Variants in NR2F1-AS1 observed in about 807,000 individuals in gnomAD.
The protein encoded by NR2F1-AS1 is NR2F1 antisense RNA 1.
chr5:93,494,360 G>T (rs1442661452), intron 4 of NR2F1-AS1, among the ~76,000 whole-genome samples: 1 of 152,202 alleles, frequency 6.6e-6, no homozygotes, highest in Non-Finnish European at 1.5e-5. Flanking sequence ...GCCAGCCATA[G>T]TGGCTCACGC....
intron 4 of NR2F1-AS1, chr5:93,496,197 A>C (rs1750956964): frequency 6.6e-6 from 1 of 152,114 alleles, no homozygotes; most frequent in Non-Finnish European, 1.5e-5. Context: ...TAAACAAAAA[A>C]CCCACATTTC....
chr5:93,545,252 A>C (rs563391976), intron 4 of NR2F1-AS1, among the ~76,000 whole-genome samples: 1 of 152,314 alleles, frequency 6.6e-6, no homozygotes, highest in South Asian at 2.1e-4. Context: ...AAAATTCATC[A>C]ATGAGGGTTT....
chr5:93,411,220 C>G (rs1012364385), intron 4 of NR2F1-AS1: 1 of 152,168 alleles, frequency 6.6e-6, no homozygotes, highest in African/African-American at 2.4e-5. Context: ...AGTTTCAATT[C>G]ACATTAATTT....
At chr5:93,486,253 T>TA (rs1447191983) in intron 4 of NR2F1-AS1, among the ~76,000 whole-genome samples, 2 of 148,168 alleles carry the variant, frequency 1.3e-5, no homozygotes, top group Non-Finnish European at 1.5e-5. Context: ...CCCTAAAACT[T>TA]AAAGTATAAT....
intron 4 of NR2F1-AS1, among the ~76,000 whole-genome samples, chr5:93,413,198 G>GTA (rs1748896982): frequency 1.9e-5 from 2 of 103,328 alleles, no homozygotes; most frequent in South Asian, 2.9e-4. Flanking sequence ...ACATATATAT[G>GTA]TATATATATG....
At chr5:93,460,153 G>A (rs866179717) in intron 4 of NR2F1-AS1, among the ~76,000 whole-genome samples, 1 of 152,164 alleles carries the variant, frequency 6.6e-6, no homozygotes, top group African/African-American at 2.4e-5. Context: ...CTGGAATGAG[G>A]ATAAGAAGAT....
At chr5:93,525,323 T>C (rs1751588592) in intron 4 of NR2F1-AS1, among the ~76,000 whole-genome samples, 1 of 152,158 alleles carries the variant, frequency 6.6e-6, no homozygotes, top group Non-Finnish European at 1.5e-5. Flanking sequence ...ATACTAAATA[T>C]ATATGCACCC....
intron 4 of NR2F1-AS1, among the ~76,000 whole-genome samples, chr5:93,426,171 C>A (rs1353711527): frequency 6.6e-6 from 1 of 151,454 alleles, no homozygotes; most frequent in African/African-American, 2.4e-5. Flanking sequence ...CCTCAGCCTC[C>A]TGAGTAGCTG....
chr5:93,479,046 G>A (rs942763609), intron 4 of NR2F1-AS1, among the ~76,000 whole-genome samples: 2 of 152,162 alleles, frequency 1.3e-5, no homozygotes, highest in Non-Finnish European at 2.9e-5. Context: ...CTGAACATTT[G>A]CAGTGTCTAG....
intron 4 of NR2F1-AS1, among the ~76,000 whole-genome samples, chr5:93,488,066 C>T (rs1750763855): frequency 6.6e-6 from 1 of 152,160 alleles, no homozygotes; most frequent in Non-Finnish European, 1.5e-5. Context: ...TGGACCCCTT[C>T]CTTACACCTT....
intron 4 of NR2F1-AS1, among the ~76,000 whole-genome samples, chr5:93,445,100 A>G (rs1323053998): frequency 6.6e-6 from 1 of 152,242 alleles, no homozygotes; most frequent in East Asian, 1.9e-4. Context: ...AGGAAGCAGG[A>G]AAGATCTAAA....
At chr5:93,522,266 T>C (rs1278263828) in intron 4 of NR2F1-AS1, among the ~76,000 whole-genome samples, 3 of 152,144 alleles carry the variant, frequency 2.0e-5, no homozygotes, top group African/African-American at 7.2e-5. Context: ...TTGGACTTAA[T>C]ATCTGGGTGA....
intron 4 of NR2F1-AS1, among the ~76,000 whole-genome samples, chr5:93,518,740 T>C (rs1341032885): frequency 1.3e-5 from 2 of 152,056 alleles, no homozygotes; most frequent in African/African-American, 4.8e-5. Context: ...TATTTAAGTA[T>C]ATAAAAACAA....
chr5:93,537,880 G>A (rs750160098), intron 4 of NR2F1-AS1, among the ~76,000 whole-genome samples: 6 of 152,094 alleles, frequency 3.9e-5, no homozygotes, highest in South Asian at 2.1e-4. Context: ...TCTCAGCTAC[G>A]CCACTGTCTG....
Position 93,537,274 on chromosome 5 carries a change from A to G in NR2F1-AS1, n.638+16487T>C, listed in dbSNP as rs746957245. 4.5e-4 allele frequency among the ~76,000 whole-genome samples: 69 copies of G among 152,216 alleles called. 1 individual carries two copies. Among genetic ancestry groups the G allele is most frequent in the Non-Finnish European group, 1.6e-4 (11 of 68,030 alleles). Reference sequence around the variant, plus strand: ...ATTTTTTAAATAAGACCTTAAACATATAGGCAACAAAAGCAAAAATACACA... The same window carrying G: ...ATTTTTTAAATAAGACCTTAAACATGTAGGCAACAAAAGCAAAAATACACA... On this transcript the variant is annotated intron_variant and non_coding_transcript_variant, in intron 4 of 5. Coordinates refer to ENST00000660523, the Ensembl canonical transcript of NR2F1-AS1.
At chr5:93,507,542 G>A (rs890612209) in intron 4 of NR2F1-AS1, among the ~76,000 whole-genome samples, 8 of 152,020 alleles carry the variant, frequency 5.3e-5, no homozygotes, top group Non-Finnish European at 1.0e-4. Flanking sequence ...ATTTTTAGTA[G>A]ACACGAGGTT....
chr5:93,414,185 A>T (rs1461719347), intron 4 of NR2F1-AS1, among the ~76,000 whole-genome samples: 2 of 152,228 alleles, frequency 1.3e-5, no homozygotes, highest in African/African-American at 4.8e-5. Context: ...GGCATACCCC[A>T]AAGTCCTATG....
intron 4 of NR2F1-AS1, among the ~76,000 whole-genome samples, chr5:93,467,868 T>C (rs1475368853): frequency 6.6e-6 from 1 of 152,246 alleles, no homozygotes; most frequent in Non-Finnish European, 1.5e-5. Context: ...CCATGTGTTC[T>C]TATTGTTCAA....
intron 4 of NR2F1-AS1, among the ~76,000 whole-genome samples, chr5:93,528,288 G>A (rs1751664118): frequency 6.6e-6 from 1 of 151,988 alleles, no homozygotes; most frequent in African/African-American, 2.4e-5. Flanking sequence ...AAGCAAATCA[G>A]TGCTCACTTT....
Sources: gnomAD v4.1 joint callset for allele counts (sites outside exome capture counted in the v4.1 genomes callset) on GRCh38, gnomAD v4.1.1 for gene constraint, MANE v1.5 for transcripts, NCBI Gene and HGNC (gene_info 2026-07-23, HGNC 2026-07-21) for gene names.